The following TMEFF1 variants were observed in gnomAD, a reference collection of about 807,000 sequenced individuals.
TMEFF1 encodes the protein transmembrane protein with EGF like and two follistatin like domains 1.
Under a neutral mutation model 47.5 loss-of-function variants are expected in TMEFF1, and 20 were observed. The observed-to-expected ratio is 0.42, with a 90% confidence interval of 0.30 to 0.61. The LOEUF is 0.61. Ranked by LOEUF, TMEFF1 falls within the 20% of genes least tolerant of loss-of-function variation. TMEFF1 has a pLI of 0.19. For missense variants in TMEFF1, 411 were observed against 471.1 expected (o/e 0.87, Z 1.18); for synonymous variants, 162 against 166.3 (o/e 0.97, Z 0.20).
chr9:100,518,523 G>T, intron 5 of TMEFF1: 14 of 985,256 alleles, frequency 1.4e-5, no homozygotes, highest in Non-Finnish European at 1.7e-5. Flanking sequence ...CACATAGACA[G>T]TGACAAGCAG....
intron 7 of TMEFF1, 30 bp downstream of exon 7, chr9:100,550,190 C>T (rs1838806828): frequency 6.2e-7 from 1 of 1,600,572 alleles, no homozygotes; most frequent in South Asian, 1.1e-5. Context: ...CAAATTTTGG[C>T]CAGCTATGGA....
At chr9:100,487,296 T>C (rs1837467557) in intron 1 of TMEFF1, among the ~76,000 whole-genome samples, 2 of 152,182 alleles carry the variant, frequency 1.3e-5, no homozygotes, top group Admixed American at 1.3e-4. Flanking sequence ...CCTGAGTAGC[T>C]GGAATTACAG....
At chr9:100,507,235 C>T (rs966830055) in intron 2 of TMEFF1, among the ~76,000 whole-genome samples, 1 of 151,966 alleles carries the variant, frequency 6.6e-6, no homozygotes, top group Non-Finnish European at 1.5e-5. Context: ...GTATATATAC[C>T]ACATGTTCTT....
intron 3 of TMEFF1, among the ~76,000 whole-genome samples, chr9:100,510,606 A>T (rs1479916411): frequency 6.6e-6 from 1 of 151,886 alleles, no homozygotes; most frequent in African/African-American, 2.4e-5. Context: ...AGTAGCTGGG[A>T]CTACAGACAC....
At chr9:100,570,110 T>A (rs184482026) in intron 8 of TMEFF1, among the ~76,000 whole-genome samples, 88 of 152,294 alleles carry the variant, frequency 5.8e-4, no homozygotes, top group Non-Finnish European at 1.1e-3. Context: ...ATGATAGGAT[T>A]TCCTTCTTTT....
At chr9:100,510,682 C>A (rs1837945859) in intron 3 of TMEFF1, among the ~76,000 whole-genome samples, 1 of 151,994 alleles carries the variant, frequency 6.6e-6, no homozygotes, top group Non-Finnish European at 1.5e-5. Context: ...GCCATGTTGC[C>A]CAGGCTAGTC....
chr9:100,474,256 G>T (rs1837178679), intron 1 of TMEFF1, among the ~76,000 whole-genome samples: 1 of 151,874 alleles, frequency 6.6e-6, no homozygotes, highest in East Asian at 2.0e-4. Context: ...GGGTCTCGGG[G>T]GTGGGGGTCG....
At chr9:100,489,976 CCT>C (rs1837519336) in intron 1 of TMEFF1, among the ~76,000 whole-genome samples, 1 of 151,942 alleles carries the variant, frequency 6.6e-6, no homozygotes, top group South Asian at 2.1e-4. Flanking sequence ...AGTTTTTCTC[CCT>C]GTCACCTTGC....
intron 5 of TMEFF1, among the ~76,000 whole-genome samples, chr9:100,536,321 G>C (rs1219053110): frequency 6.6e-6 from 1 of 151,964 alleles, no homozygotes; most frequent in East Asian, 1.9e-4. Context: ...TCATATTGTA[G>C]GGCTCAAAAA....
At chr9:100,545,577 C>T (rs187673770) in intron 5 of TMEFF1, among the ~76,000 whole-genome samples, 281 of 152,282 alleles carry the variant, frequency 1.8e-3, no homozygotes, top group Middle Eastern at 0.01. Context: ...AGACATTTTC[C>T]CCATTGTTTT....
At chr9:100,521,416 AT>A (rs373788018) in intron 5 of TMEFF1, among the ~76,000 whole-genome samples, 211 of 152,308 alleles carry the variant, frequency 1.4e-3, no homozygotes, top group African/African-American at 4.8e-3. Context: ...GACTCCCCAC[AT>A]AAGTGGGTTT....
Position 100,509,063 on chromosome 9 carries a change from G to C in TMEFF1, c.365G>C (p.Cys122Ser), listed in dbSNP as rs1266210004. 1 of 1,603,898 alleles carries C rather than the reference G, an allele frequency of 6.2e-7. No homozygotes were observed. The highest frequency in any genetic ancestry group is 1.3e-5 in the African/African-American group (1 of 74,428). Residue 122 changes from cysteine to serine, a missense_variant, in exon 3 of 10, where the codon TGC (cysteine) becomes TCC (serine). Physicochemically the swap from Cys to Ser is moderately radical, Grantham distance 112. Coordinates refer to ENST00000374879, the MANE Select transcript of TMEFF1 (RefSeq NM_003692.5). ...AATGGGGACACTTATCAAAATGAAT[G>C]CTTTCTCAGAAGGGCTGCTTGTAAG... is the stretch of plus-strand genomic sequence containing the variant. ...GSNGDTYQNECFLRRAACKHQ... is the reference protein window; with the variant it reads ...GSNGDTYQNESFLRRAACKHQ...
At chr9:100,481,159 A>G (rs1188691032) in intron 1 of TMEFF1, among the ~76,000 whole-genome samples, 1 of 152,150 alleles carries the variant, frequency 6.6e-6, no homozygotes, top group African/African-American at 2.4e-5. Context: ...TGTCTCTCTC[A>G]TATCCTAATC....
intron 7 of TMEFF1, among the ~76,000 whole-genome samples, chr9:100,551,647 A>G (rs1838828386): frequency 6.6e-6 from 1 of 152,238 alleles, no homozygotes; most frequent in Admixed American, 6.5e-5. Context: ...AATGTTTTAC[A>G]CATAAGAATT....
intron 8 of TMEFF1, among the ~76,000 whole-genome samples, chr9:100,570,217 T>C (rs1258735838): frequency 6.6e-6 from 1 of 152,206 alleles, no homozygotes; most frequent in East Asian, 1.9e-4. Flanking sequence ...TCTTAGCTAT[T>C]GTGAATAATG....
intron 4 of TMEFF1, among the ~76,000 whole-genome samples, chr9:100,515,208 T>G (rs1049462115): frequency 1.3e-5 from 2 of 151,456 alleles, no homozygotes; most frequent in East Asian, 3.9e-4. Context: ...TTTTAAAAAA[T>G]TTTTTTTTGA....
chr9:100,498,630 T>C (rs1479238956), intron 1 of TMEFF1, 135 bp from the exon 2 acceptor site: 4 of 681,954 alleles, frequency 5.9e-6, no homozygotes, highest in East Asian at 2.8e-5. Context: ...TGTATAGTTA[T>C]GTCTTATTAC....
At chr9:100,496,723 A>T (rs536199863) in intron 1 of TMEFF1, among the ~76,000 whole-genome samples, 1 of 152,324 alleles carries the variant, frequency 6.6e-6, no homozygotes, top group East Asian at 1.9e-4. Flanking sequence ...ATTACAATTC[A>T]AGAGTCTCAA....
intron 2 of TMEFF1, among the ~76,000 whole-genome samples, chr9:100,501,582 A>G (rs1030547072): frequency 2.6e-5 from 4 of 152,116 alleles, no homozygotes; most frequent in Non-Finnish European, 5.9e-5. Context: ...TGAGCATTTG[A>G]TATTCATTAA....
Sources: allele counts gnomAD v4.1 joint callset (sites outside exome capture counted in the v4.1 genomes callset), GRCh38; gene constraint gnomAD v4.1.1; transcripts MANE v1.5; gene names NCBI Gene and HGNC (gene_info 2026-07-23, HGNC 2026-07-21).